Variants in ACTR3B observed in about 807,000 individuals in gnomAD.
ACTR3B encodes the protein actin related protein 3B.
A neutral mutation model predicts 59.0 loss-of-function variants in ACTR3B; 8 were observed. The observed-to-expected ratio is 0.14, with a 90% confidence interval of 0.08 to 0.24. ACTR3B has a LOEUF of 0.24. ACTR3B is among the 10% of genes least tolerant of loss of function. The pLI, the probability that ACTR3B is intolerant of heterozygous loss-of-function variation, is 1.00. For synonymous variants in ACTR3B, 148 were observed against 197.9 expected, an observed-to-expected ratio of 0.75 and a Z score of 2.12; for missense variants, 245 against 552.3, an observed-to-expected ratio of 0.44 and a Z score of 5.58.
intron 2 of ACTR3B, among the ~76,000 whole-genome samples, chr7:152,783,885 T>A (rs1184303269): frequency 6.6e-6 from 1 of 151,488 alleles, no homozygotes; most frequent in African/African-American, 2.4e-5. Context: ...AGGTCAGGAG[T>A]TCGAGACCAG....
chr7:152,829,873 C>G (rs58016139), intron 9 of ACTR3B, among the ~76,000 whole-genome samples: 22,165 of 152,126 alleles, frequency 0.15, 2,356 homozygotes, highest in African/African-American at 0.3. Context: ...GGATGTCTTT[C>G]TACTTCTCAG....
chr7:152,849,820 A>C (rs573641008), intron 9 of ACTR3B, among the ~76,000 whole-genome samples: 101 of 152,384 alleles, frequency 6.6e-4, no homozygotes, highest in Non-Finnish European at 1.3e-3. Context: ...AAATTTCTCT[A>C]TACAGACACT....
intron 9 of ACTR3B, among the ~76,000 whole-genome samples, chr7:152,836,222 A>G (rs1036301642): frequency 3.3e-5 from 5 of 152,266 alleles, no homozygotes; most frequent in African/African-American, 1.2e-4. Context: ...TACTGAAAGA[A>G]GTATTTCAAA....
chr7:152,852,475 C>T (rs751560555), intron 10 of ACTR3B, among the ~76,000 whole-genome samples: 5 of 152,188 alleles, frequency 3.3e-5, no homozygotes, highest in Admixed American at 2.6e-4. Flanking sequence ...GCAACGGCAG[C>T]TTCACACTCT....
chr7:152,808,531 T>C (rs564533964), intron 4 of ACTR3B, among the ~76,000 whole-genome samples: 16 of 152,094 alleles, frequency 1.1e-4, no homozygotes, highest in Non-Finnish European at 2.2e-4. Context: ...TGATTCTTGT[T>C]GGTGATGTCT....
At chr7:152,799,852 T>G (rs1563105286) in intron 2 of ACTR3B, among the ~76,000 whole-genome samples, 3 of 152,246 alleles carry the variant, frequency 2.0e-5, no homozygotes, top group Non-Finnish European at 4.4e-5. Flanking sequence ...TTTCATTAGC[T>G]GTCTGGAGTG....
intron 9 of ACTR3B, among the ~76,000 whole-genome samples, chr7:152,829,263 C>A (rs971915484): frequency 1.8e-4 from 27 of 152,214 alleles, no homozygotes; most frequent in South Asian, 6.2e-4. Flanking sequence ...ACACCGTACC[C>A]TCTTCCTAAC....
chr7:152,818,517 C>G (rs1484086119), intron 6 of ACTR3B, among the ~76,000 whole-genome samples: 1 of 152,050 alleles, frequency 6.6e-6, no homozygotes, highest in Non-Finnish European at 1.5e-5. Flanking sequence ...ATGGCACGAT[C>G]TCGGCACACT....
At chr7:152,829,044 G>GTGTGTA (rs1554449533) in intron 9 of ACTR3B, among the ~76,000 whole-genome samples, 1 of 143,838 alleles carries the variant, frequency 7.0e-6, no homozygotes, top group Non-Finnish European at 1.5e-5. Context: ...GTGTGTGTGT[G>GTGTGTA]TATATATATA....
chr7:152,798,441 A>G (rs1247409397), intron 2 of ACTR3B, among the ~76,000 whole-genome samples: 1 of 152,010 alleles, frequency 6.6e-6, no homozygotes, highest in Non-Finnish European at 1.5e-5. Flanking sequence ...ATCTTTTGTC[A>G]GGTAGATAGT....
chr7:152,768,767 C>CGCGGT (rs1563072349), intron 1 of ACTR3B, among the ~76,000 whole-genome samples: 1 of 151,078 alleles, frequency 6.6e-6, no homozygotes, highest in Non-Finnish European at 1.5e-5. Context: ...TGAGCCACCG[C>CGCGGT]GCCTGGCTAG....
intron 4 of ACTR3B, among the ~76,000 whole-genome samples, chr7:152,803,820 A>G (rs1245907902): frequency 1.3e-5 from 2 of 152,306 alleles, no homozygotes; most frequent in Middle Eastern, 3.4e-3. Context: ...ATAAGAAAAT[A>G]TCGTATTACA....
intron 1 of ACTR3B, among the ~76,000 whole-genome samples, chr7:152,777,088 C>T (rs2098137864): frequency 6.6e-6 from 1 of 152,068 alleles, no homozygotes; most frequent in Non-Finnish European, 1.5e-5. Context: ...TAGAAAGGCA[C>T]TATTTGGCTA....
intron 1 of ACTR3B, among the ~76,000 whole-genome samples, chr7:152,769,684 T>G (rs1394866938): frequency 6.6e-6 from 1 of 152,160 alleles, no homozygotes; most frequent in Non-Finnish European, 1.5e-5. Context: ...ATGTAGTCCA[T>G]TTTATTTTAT....
chr7:152,823,986 G>A (rs1796384754), intron 8 of ACTR3B, among the ~76,000 whole-genome samples: 1 of 152,128 alleles, frequency 6.6e-6, no homozygotes, highest in African/African-American at 2.4e-5. Context: ...TTCTGTCTAA[G>A]GCCAGCATTT....
At chr7:152,760,818 A>G (rs2098087238) in intron 1 of ACTR3B, among the ~76,000 whole-genome samples, 1 of 152,114 alleles carries the variant, frequency 6.6e-6, no homozygotes, top group African/African-American at 2.4e-5. Flanking sequence ...TGTAGCTGGT[A>G]GTTTGGGAAT....
intron 4 of ACTR3B, among the ~76,000 whole-genome samples, chr7:152,806,667 G>C (rs2098252951): frequency 6.7e-6 from 1 of 148,974 alleles, no homozygotes; most frequent in South Asian, 2.2e-4. Flanking sequence ...TTAAGGGCAG[G>C]AGGCAAGTCT....
chr7:152,823,561 T>G (rs1489716247), intron 8 of ACTR3B, 46 bp downstream of exon 8: 6 of 1,596,798 alleles, frequency 3.8e-6, no homozygotes, highest in Non-Finnish European at 4.3e-6. Context: ...GATGGAGCGA[T>G]ACTGCCACCC....
intron 2 of ACTR3B, among the ~76,000 whole-genome samples, chr7:152,791,155 C>T (rs368315189): frequency 6.6e-5 from 10 of 151,946 alleles, no homozygotes; most frequent in Middle Eastern, 3.4e-3. Flanking sequence ...GGATTACTGA[C>T]GTGTGCCACC....
Sources: allele counts gnomAD v4.1 joint callset (sites outside exome capture counted in the v4.1 genomes callset), GRCh38; gene constraint gnomAD v4.1.1; transcripts MANE v1.5; gene names NCBI Gene and HGNC (gene_info 2026-07-23, HGNC 2026-07-21).